GRID2: variants seen among roughly 807,000 people sequenced by gnomAD.
The protein encoded by GRID2 is glutamate receptor ionotropic, delta-2.
A neutral mutation model predicts 114.8 loss-of-function variants in GRID2; 33 were observed. The ratio of observed to expected loss-of-function variants is 0.29; its 90% CI spans 0.22 to 0.38. The LOEUF (loss-of-function observed/expected upper bound fraction) is 0.38. Among genes scored for constraint, GRID2 ranks in the 10% least tolerant of loss-of-function variants. The pLI is 1.00. For missense variants in GRID2, 1,184 were observed against 1,257.7 expected, an observed-to-expected ratio of 0.94 and a Z score of 0.89; for synonymous variants, 505 against 449.9, an observed-to-expected ratio of 1.12 and a Z score of -1.55.
At chr4:92,714,960 C>A (rs1735462703) in intron 2 of GRID2, among the ~76,000 whole-genome samples, 1 of 152,208 alleles carries the variant, frequency 6.6e-6, no homozygotes. Context: ...GTTACTTATG[C>A]ACACTTCTGC....
At chr4:93,587,740 A>C (rs936469674) in intron 13 of GRID2, among the ~76,000 whole-genome samples, 2 of 152,080 alleles carry the variant, frequency 1.3e-5, no homozygotes, top group African/African-American at 4.8e-5. Flanking sequence ...TTATTATATT[A>C]CATTATAATC....
chr4:93,380,907 G>C (rs763642749), intron 8 of GRID2, among the ~76,000 whole-genome samples: 32 of 152,146 alleles, frequency 2.1e-4, no homozygotes, highest in Admixed American at 1.0e-3. Flanking sequence ...CGCTCACTGG[G>C]ATAGTTCAAT....
At chr4:93,229,704 C>T (rs1449855098) in intron 7 of GRID2, among the ~76,000 whole-genome samples, 1 of 152,114 alleles carries the variant, frequency 6.6e-6, no homozygotes, top group South Asian at 2.1e-4. Context: ...ACAAGTTTCT[C>T]TCCCTAAATT....
intron 4 of GRID2, among the ~76,000 whole-genome samples, chr4:93,195,460 C>T (rs1009382092): frequency 6.6e-6 from 1 of 151,938 alleles, no homozygotes; most frequent in African/African-American, 2.4e-5. Context: ...TTACTTCCAG[C>T]TCCACTGTTT....
intron 8 of GRID2, among the ~76,000 whole-genome samples, chr4:93,267,213 T>C (rs934817466): frequency 6.6e-6 from 1 of 151,782 alleles, no homozygotes; most frequent in African/African-American, 2.4e-5. Context: ...ATACTTTAAG[T>C]TTTAGGGTAC....
chr4:92,369,052 C>T (rs1728999411), intron 1 of GRID2, among the ~76,000 whole-genome samples: 2 of 151,840 alleles, frequency 1.3e-5, no homozygotes, highest in Admixed American at 1.3e-4. Context: ...ATATAATCGC[C>T]CTAAAAATTT....
chr4:92,920,844 A>G (rs1380597316), intron 2 of GRID2, among the ~76,000 whole-genome samples: 1 of 151,818 alleles, frequency 6.6e-6, no homozygotes, highest in Non-Finnish European at 1.5e-5. Flanking sequence ...GCTCTTCTCA[A>G]GGATTATCTT....
At chr4:92,507,406 C>T (rs1456700455) in intron 1 of GRID2, among the ~76,000 whole-genome samples, 1 of 123,228 alleles carries the variant, frequency 8.1e-6, no homozygotes, top group Non-Finnish European at 1.6e-5. Flanking sequence ...TGTGCTTTCT[C>T]GTGTATAATT....
intron 2 of GRID2, among the ~76,000 whole-genome samples, chr4:92,951,333 TTTTATTTA>T (rs529155664): frequency 2.6e-4 from 39 of 150,496 alleles, no homozygotes; most frequent in East Asian, 5.9e-4. Flanking sequence ...TCGCAAAATT[TTTTATTTA>T]TTTATTTATT....
At chr4:92,380,115 A>G (rs1729544466) in intron 1 of GRID2, among the ~76,000 whole-genome samples, 1 of 151,916 alleles carries the variant, frequency 6.6e-6, no homozygotes, top group Non-Finnish European at 1.5e-5. Context: ...AGCATCAGCA[A>G]AGCAAGGCTA....
At chr4:93,686,712 G>T (rs1041927067) in intron 14 of GRID2, among the ~76,000 whole-genome samples, 1 of 151,902 alleles carries the variant, frequency 6.6e-6, no homozygotes, top group South Asian at 2.1e-4. Flanking sequence ...GGAGATATCC[G>T]GGAGAAGTGT....
intron 4 of GRID2, among the ~76,000 whole-genome samples, chr4:93,129,460 T>G: frequency 6.6e-6 from 1 of 152,258 alleles, no homozygotes; most frequent in East Asian, 1.9e-4. Flanking sequence ...GCAAGGATTC[T>G]GGCATCGAGA....
intron 2 of GRID2, among the ~76,000 whole-genome samples, chr4:92,724,363 A>G (rs1214899446): frequency 6.6e-6 from 1 of 152,136 alleles, no homozygotes; most frequent in Non-Finnish European, 1.5e-5. Flanking sequence ...ACAACTCTGC[A>G]GATCCTGAAT....
At chr4:93,108,252 G>A (rs563189943) in intron 3 of GRID2, among the ~76,000 whole-genome samples, 1 of 152,274 alleles carries the variant, frequency 6.6e-6, no homozygotes, top group Admixed American at 6.5e-5. Flanking sequence ...AACACTTAGT[G>A]TGCTTTGTGG....
chr4:92,421,680 C>T (rs1032498241), intron 1 of GRID2, among the ~76,000 whole-genome samples: 4 of 152,050 alleles, frequency 2.6e-5, no homozygotes, highest in Admixed American at 6.6e-5. Context: ...GTTTGCTGGG[C>T]GCTCTGTTTC....
At position 92,665,210 on chromosome 4, in the gene GRID2, G is replaced by T. The variant is rs532575223; in HGVS notation, c.244+74924G>T. 3.4e-5 allele frequency among the ~76,000 whole-genome samples: 5 copies of T among 148,476 alleles called. No homozygotes were observed. The South Asian group carries it at 1.0e-3, about 31-fold the overall frequency. On this transcript the variant is annotated intron_variant, in intron 2 of 15. Coordinates refer to ENST00000282020, the MANE Select transcript of GRID2 (RefSeq NM_001510.4). ...TGTGTATCCTAGAGCTTTTTTGTGT[G>T]GTTACCATGGTAATTACATTTAACA...
At chr4:92,522,957 T>C (rs779553778) in intron 1 of GRID2, among the ~76,000 whole-genome samples, 3 of 151,920 alleles carry the variant, frequency 2.0e-5, no homozygotes, top group Non-Finnish European at 4.4e-5. Flanking sequence ...GGAGGAATTA[T>C]AGCCAATTGT....
At chr4:93,124,114 AAAG>A (rs1280924423) in intron 4 of GRID2, among the ~76,000 whole-genome samples, 2 of 98,646 alleles carry the variant, frequency 2.0e-5, no homozygotes, top group African/African-American at 8.8e-5. Context: ...AATAAAAAAA[AAAG>A]AAAAAAAAAA....
chr4:93,497,932 A>G (rs1406917500), intron 12 of GRID2, among the ~76,000 whole-genome samples: 1 of 151,914 alleles, frequency 6.6e-6, no homozygotes, highest in African/African-American at 2.4e-5. Context: ...CATTTTTAAT[A>G]TGATGAGTCT....
Sources: gnomAD v4.1 joint callset for allele counts (sites outside exome capture counted in the v4.1 genomes callset) on GRCh38, gnomAD v4.1.1 for gene constraint, MANE v1.5 for transcripts, NCBI Gene and HGNC (gene_info 2026-07-23, HGNC 2026-07-21) for gene names.